The following ZEB2 variants were observed in gnomAD, a reference collection of about 807,000 sequenced individuals.
ZEB2 encodes the protein zinc finger E-box binding homeobox 2, also known as zinc finger E-box-binding homeobox 2.
Under a neutral mutation model 99.9 loss-of-function variants are expected in ZEB2, and 6 were observed. The observed-to-expected ratio is 0.06, with a 90% CI of 0.03 to 0.12. ZEB2 has a LOEUF of 0.12. ZEB2 is among the 10% of genes least tolerant of loss of function. The pLI is 1.00. For synonymous variants in ZEB2, 517 were observed against 542.5 expected, an observed-to-expected ratio of 0.95 and a Z score of 0.65; for missense variants, 969 against 1,502.8, an observed-to-expected ratio of 0.64 and a Z score of 5.87.
intron 4 of ZEB2, among the ~76,000 whole-genome samples, chr2:144,421,563 G>A (rs1703618495): frequency 6.6e-6 from 1 of 151,750 alleles, no homozygotes; most frequent in Non-Finnish European, 1.5e-5. Flanking sequence ...TCTTTCAAGG[G>A]TAGTTATTTG....
At chr2:144,459,898 C>T (rs996364268) in intron 2 of ZEB2, among the ~76,000 whole-genome samples, 1 of 152,060 alleles carries the variant, frequency 6.6e-6, no homozygotes, top group Non-Finnish European at 1.5e-5. Context: ...AAAACAGGCT[C>T]GTAGATTTTA....
At chr2:144,492,598 C>T (rs969180324) in intron 2 of ZEB2, among the ~76,000 whole-genome samples, 4 of 152,232 alleles carry the variant, frequency 2.6e-5, no homozygotes, top group African/African-American at 9.6e-5. Context: ...AAAGCCTACA[C>T]TCTTCCGAGC....
chr2:144,440,882 C>T (rs1353699083), intron 2 of ZEB2, among the ~76,000 whole-genome samples: 1 of 151,668 alleles, frequency 6.6e-6, no homozygotes, highest in Non-Finnish European at 1.5e-5. Flanking sequence ...TCTTAACCTT[C>T]AGAATGTTCA....
Position 144,398,565 on chromosome 2 carries a change from A to C in ZEB2, c.2622T>G (p.Asn874Lys). The C allele has an allele frequency of 6.2e-7, 1 of 1,614,144 alleles. No homozygotes were observed. The highest frequency in any genetic ancestry group is 8.5e-7 in the Non-Finnish European group (1 of 1,180,024). ...CTGGGTTAGTGCTTTTGTTGTCCAG[A>C]TTATTTGAATTTGAAAATTCCTTCT... ...FIKKEFSNSNNLDNKSTNPVF... is the reference protein window; with the variant it reads ...FIKKEFSNSNKLDNKSTNPVF... The change falls in exon 8 of 10, where the codon AAT (asparagine) becomes AAG (lysine). Residue 874 changes from asparagine to lysine, a missense_variant. By Grantham distance (94) the Asn-to-Lys change is moderately conservative. Around this residue, in one of 8 missense-constraint regions of ZEB2, gnomAD observed 346 missense variants for 460.0 expected, o/e 0.75. Transcript: ENST00000627532.
In ZEB2 at chr2:144,398,968, G is replaced by A. The variant is rs766844554; in HGVS notation, c.2219C>T (p.Thr740Ile). 1.2e-6 allele frequency: 2 copies of A among 1,614,210 alleles called. No individual in the cohort carries two copies. Among genetic ancestry groups the A allele is most frequent in the Non-Finnish European group, 1.7e-6 (2 of 1,180,032 alleles). The change falls in exon 8 of 10, where the codon ACA becomes ATA. Residue 740 changes from threonine (T) to isoleucine (I), a missense_variant. By Grantham distance (89) the Thr-to-Ile change is moderately conservative. Coordinates refer to ENST00000627532, the MANE Select transcript of ZEB2 (RefSeq NM_014795.4). ...RSPVKPMDSI[T>I]SPSIAELHNS... ...GTGGAGTTCTGCTATAGATGGTGAT[G>A]TTATGGAGTCCATAGGTTTTACAGG...
At chr2:144,440,511 ATATATTTTTTTTTTTTTTT>A (rs1230471090) in intron 2 of ZEB2, among the ~76,000 whole-genome samples, 2,383 of 29,934 alleles carry the variant, frequency 0.08, 26 homozygotes, top group Admixed American at 0.15. Context: ...ATATATATAT[ATATATTTTTTTTTTTTTTT>A]TTTTTTTTTT....
intron 2 of ZEB2, among the ~76,000 whole-genome samples, chr2:144,482,925 TA>T (rs1417579609): frequency 2.0e-5 from 3 of 152,174 alleles, no homozygotes; most frequent in Admixed American, 6.5e-5. Flanking sequence ...ATTGTGCTTT[TA>T]TATATGGAGG....
At chr2:144,507,489 A>T (rs1318983102) in intron 2 of ZEB2, 2 of 152,244 alleles carry the variant, frequency 1.3e-5, no homozygotes, top group African/African-American at 4.8e-5. Context: ...AATAATCATG[A>T]ATCATTATGA....
chr2:144,493,271 G>A (rs1253018434), intron 2 of ZEB2, among the ~76,000 whole-genome samples: 2 of 152,162 alleles, frequency 1.3e-5, no homozygotes, highest in Non-Finnish European at 2.9e-5. Flanking sequence ...CTGGCATCCT[G>A]ATTAGTCACA....
At chr2:144,469,349 A>G (rs192914655) in intron 2 of ZEB2, among the ~76,000 whole-genome samples, 92 of 152,262 alleles carry the variant, frequency 6.0e-4, no homozygotes, top group Admixed American at 1.6e-3. Flanking sequence ...TTCACCAACT[A>G]ACACACTGCC....
At chr2:144,443,193 A>C (rs890889695) in intron 2 of ZEB2, among the ~76,000 whole-genome samples, 6 of 152,268 alleles carry the variant, frequency 3.9e-5, no homozygotes, top group African/African-American at 1.4e-4. Flanking sequence ...TTTAAAAATA[A>C]ATCTTAAGAG....
At chr2:144,509,232 C>A (rs1704995496) in intron 2 of ZEB2, among the ~76,000 whole-genome samples, 2 of 152,186 alleles carry the variant, frequency 1.3e-5, no homozygotes, top group Admixed American at 6.5e-5. Flanking sequence ...ATCACAGCTG[C>A]CTGGTAAAGC....
intron 2 of ZEB2, among the ~76,000 whole-genome samples, chr2:144,433,192 A>T (rs1349324962): frequency 6.6e-6 from 1 of 152,192 alleles, no homozygotes; most frequent in Non-Finnish European, 1.5e-5. Context: ...CAAAATAGAC[A>T]CTAATTTTAC....
intron 4 of ZEB2, among the ~76,000 whole-genome samples, chr2:144,414,297 T>C (rs547085906): frequency 1.7e-3 from 258 of 152,310 alleles, no homozygotes; most frequent in African/African-American, 5.8e-3. Flanking sequence ...CAGGACTGGC[T>C]ATATGGTTGG....
Position 144,384,236 on chromosome 2 carries a change from C to T in ZEB2, c.*5215G>A, listed in dbSNP as rs1703051362. The stretch of plus-strand genomic sequence containing the variant: ...TTTTGGAGCATTTTAACATGTCATG[C>T]TAGATTATAGGTAGTAGGCGACTCG... On this transcript the variant is annotated 3_prime_UTR_variant, in exon 10 of 10. Coordinates refer to ENST00000627532, the MANE Select transcript of ZEB2 (RefSeq NM_014795.4). 1 of 151,620 alleles carries T rather than the reference C, an allele frequency of 6.6e-6. No homozygotes were observed. The highest frequency in any genetic ancestry group is 1.5e-5 in the Non-Finnish European group (1 of 67,950). The allele number at this position is 151,620 out of a possible 1,614,324, so 9.4% of individuals were successfully genotyped here. A position where few individuals can be genotyped will look rare whatever the true frequency, so the allele number is the denominator to read the frequency against.
In ZEB2 at chr2:144,400,284, T is replaced by G. The variant is rs1366614318; in HGVS notation, c.917-14A>C. On this transcript the variant is annotated splice_polypyrimidine_tract_variant and intron_variant, in intron 7 of 9. Coordinates refer to ENST00000627532, the MANE Select transcript of ZEB2 (RefSeq NM_014795.4). ...AAGGTTTTTCACCTAAAATGATAAT[T>G]AAAATTACCGTTACATTTCCTTGAT... 1 of 1,604,450 alleles carries G rather than the reference T, an allele frequency of 6.2e-7. No individual in the cohort carries two copies. Among genetic ancestry groups the G allele is most frequent in the East Asian group, 2.2e-5 (1 of 44,878 alleles).
intron 2 of ZEB2, among the ~76,000 whole-genome samples, chr2:144,460,620 G>GT (rs796277731): frequency 6.4e-4 from 96 of 150,492 alleles, no homozygotes; most frequent in African/African-American, 9.3e-4. Context: ...TGAGAGCACT[G>GT]TTTTTTTTTA....
At chr2:144,513,559 C>T in intron 2 of ZEB2, 1 of 1,528,946 alleles carries the variant, frequency 6.5e-7, no homozygotes, top group Non-Finnish European at 8.7e-7. Context: ...TTGATTTTTG[C>T]TACAACGTGC....
intron 2 of ZEB2, among the ~76,000 whole-genome samples, chr2:144,484,667 C>T (rs568803407): frequency 6.6e-6 from 1 of 152,278 alleles, no homozygotes; most frequent in East Asian, 1.9e-4. Context: ...TCAATTCCTT[C>T]CTGGCAACCT....
Sources: allele counts gnomAD v4.1 joint callset (sites outside exome capture counted in the v4.1 genomes callset), GRCh38; gene constraint gnomAD v4.1.1; regional missense constraint gnomAD v4.1.1; transcripts MANE v1.5; gene names NCBI Gene and HGNC (gene_info 2026-07-23, HGNC 2026-07-21).